ASAP2: variants seen among roughly 807,000 people sequenced by gnomAD.
ASAP2 encodes the protein arf-GAP with SH3 domain, ANK repeat and PH domain-containing protein 2.
Under a neutral mutation model 131.4 loss-of-function variants are expected in ASAP2, and 45 were observed. The observed-to-expected ratio is 0.34, with a 90% CI of 0.27 to 0.44. The LOEUF (loss-of-function observed/expected upper bound fraction) is 0.44, where lower values mean the gene tolerates loss of function less well. Among genes scored for constraint, ASAP2 ranks in the 20% least tolerant of loss-of-function variants. ASAP2 has a pLI of 1.00. For missense variants in ASAP2, 1,011 were observed against 1,297.0 expected (o/e 0.78, Z 3.39); for synonymous variants, 510 against 503.0 (o/e 1.01, Z -0.19).
Position 9,240,245 on chromosome 2 carries a change from ATT to A in ASAP2, c.126+33036_126+33037del, listed in dbSNP as rs34070129. Among the ~76,000 whole-genome samples the A allele has an allele frequency of 4.9e-3, 628 of 127,012 alleles. 2 individuals carry two copies. The highest frequency in any genetic ancestry group is 0.016 in the African/African-American group (513 of 33,038). 83.3% of individuals were successfully genotyped at this position (127,012 alleles called of 152,430 possible). Reference sequence around the variant, plus strand: ...GTTCATGTCATGTCTTCCTCCCATAATTTTTTTTTTTTTTTTTTTTTTATTTG... The same window carrying A: ...GTTCATGTCATGTCTTCCTCCCATAATTTTTTTTTTTTTTTTTTTTATTTG... On this transcript the variant is annotated intron_variant, in intron 1 of 27. Transcript: ENST00000281419.
chr2:9,219,006 T>C (rs1157728499), intron 1 of ASAP2, among the ~76,000 whole-genome samples: 1 of 152,186 alleles, frequency 6.6e-6, no homozygotes, highest in African/African-American at 2.4e-5. Flanking sequence ...AATGAGGCCG[T>C]GTTGTTTGCC....
At chr2:9,278,981 G>C (rs1313915609) in intron 1 of ASAP2, among the ~76,000 whole-genome samples, 1 of 152,214 alleles carries the variant, frequency 6.6e-6, no homozygotes, top group Non-Finnish European at 1.5e-5. Context: ...GAGAACGGAG[G>C]GTTCGGCTGG....
intron 12 of ASAP2, among the ~76,000 whole-genome samples, chr2:9,355,176 G>T (rs1473835165): frequency 6.6e-6 from 1 of 152,118 alleles, no homozygotes; most frequent in African/African-American, 2.4e-5. Context: ...ATCTTACTCA[G>T]ATTTTACCAG....
intron 18 of ASAP2, 81 bp downstream of exon 18, chr2:9,377,074 T>C: frequency 1.6e-6 from 2 of 1,249,988 alleles, no homozygotes; most frequent in Non-Finnish European, 2.3e-6. Flanking sequence ...CCTCATCGCT[T>C]CTGATGTGTT....
chr2:9,226,767 A>G (rs553215232), intron 1 of ASAP2, among the ~76,000 whole-genome samples: 13 of 152,294 alleles, frequency 8.5e-5, no homozygotes, highest in Admixed American at 7.2e-4. Context: ...AAACATTGGC[A>G]ATCTAGCAAA....
intron 1 of ASAP2, among the ~76,000 whole-genome samples, chr2:9,220,631 A>G (rs2147977644): frequency 6.6e-6 from 1 of 152,344 alleles, no homozygotes; most frequent in South Asian, 2.1e-4. Flanking sequence ...TTTGCAAGTA[A>G]TAATTTCCAT....
At chr2:9,314,707 G>A (rs1407040861) in intron 3 of ASAP2, among the ~76,000 whole-genome samples, 1 of 152,088 alleles carries the variant, frequency 6.6e-6, no homozygotes, top group Non-Finnish European at 1.5e-5. Context: ...GCCGAGGCAG[G>A]TGGATCACTT....
At chr2:9,330,863 C>T (rs7580743) in intron 7 of ASAP2, among the ~76,000 whole-genome samples, 60,482 of 152,084 alleles carry the variant, frequency 0.4, 13,063 homozygotes, top group African/African-American at 0.57. Flanking sequence ...GGACATGATC[C>T]CAGTAACCTT....
intron 15 of ASAP2, among the ~76,000 whole-genome samples, chr2:9,360,026 G>A (rs1470922430): frequency 6.6e-6 from 1 of 152,146 alleles, no homozygotes. Context: ...AGCTTAGAGA[G>A]GTGCACAGGT....
chr2:9,270,170 A>G (rs1009017224), intron 1 of ASAP2, among the ~76,000 whole-genome samples: 3 of 152,214 alleles, frequency 2.0e-5, no homozygotes, highest in African/African-American at 7.2e-5. Flanking sequence ...AGGTCTGGCC[A>G]GGCGGCAGCT....
At chr2:9,262,733 T>C (rs1665660314) in intron 1 of ASAP2, among the ~76,000 whole-genome samples, 1 of 152,196 alleles carries the variant, frequency 6.6e-6, no homozygotes, top group Non-Finnish European at 1.5e-5. Flanking sequence ...TGACCGCTAG[T>C]GGACAGCAGT....
chr2:9,353,465 G>A (rs1178729815), intron 12 of ASAP2, among the ~76,000 whole-genome samples: 2 of 152,154 alleles, frequency 1.3e-5, no homozygotes, highest in East Asian at 3.9e-4. Flanking sequence ...GCTGAGATGG[G>A]AGGATCGCTT....
intron 1 of ASAP2, among the ~76,000 whole-genome samples, chr2:9,278,436 C>T (rs969470813): frequency 6.6e-6 from 1 of 151,600 alleles, no homozygotes; most frequent in Admixed American, 6.6e-5. Context: ...TTGCTTGAAC[C>T]CAGGAGGCAG....
At chr2:9,228,719 G>A (rs1255075716) in intron 1 of ASAP2, among the ~76,000 whole-genome samples, 1 of 152,206 alleles carries the variant, frequency 6.6e-6, no homozygotes, top group African/African-American at 2.4e-5. Flanking sequence ...ACAGCAGAAT[G>A]CGTATGTGAA....
At chr2:9,335,265 T>C in intron 9 of ASAP2, 86 bp downstream of exon 9, 1 of 1,208,976 alleles carries the variant, frequency 8.3e-7, no homozygotes, top group Non-Finnish European at 1.2e-6. Context: ...TCATGTCTTC[T>C]AGGAGCTCAC....
At chr2:9,384,835 A>G (rs1327496747) in intron 20 of ASAP2, among the ~76,000 whole-genome samples, 1 of 152,214 alleles carries the variant, frequency 6.6e-6, no homozygotes, top group Non-Finnish European at 1.5e-5. Flanking sequence ...CCCCCAGGGT[A>G]CAGGGTGAGA....
At chr2:9,288,688 A>G (rs1197358885) in intron 2 of ASAP2, among the ~76,000 whole-genome samples, 7 of 152,184 alleles carry the variant, frequency 4.6e-5, no homozygotes, top group Non-Finnish European at 1.0e-4. Context: ...TGTACTCCCC[A>G]TACAACAAAT....
At chr2:9,235,718 T>G (rs2148047203) in intron 1 of ASAP2, among the ~76,000 whole-genome samples, 1 of 151,740 alleles carries the variant, frequency 6.6e-6, no homozygotes, top group East Asian at 1.9e-4. Flanking sequence ...TAGGGCAGAG[T>G]GAGCCGCATG....
At chr2:9,350,591 G>T in intron 11 of ASAP2, 1 of 463,884 alleles carries the variant, frequency 2.2e-6, no homozygotes. Flanking sequence ...GACCACCAAG[G>T]TGCCCTTGCA....
Sources: allele counts gnomAD v4.1 joint callset (sites outside exome capture counted in the v4.1 genomes callset), GRCh38; gene constraint gnomAD v4.1.1; transcripts MANE v1.5; gene names NCBI Gene and HGNC (gene_info 2026-07-23, HGNC 2026-07-21).